PLCG2: variants seen among roughly 807,000 people sequenced by gnomAD.
PLCG2 encodes 1-phosphatidylinositol 4,5-bisphosphate phosphodiesterase gamma-2.
Under a neutral mutation model 175.6 loss-of-function variants are expected in PLCG2, and 69 were observed. The observed-to-expected ratio is 0.39, with a 90% CI of 0.32 to 0.48. The LOEUF (loss-of-function observed/expected upper bound fraction) is 0.48, where lower values mean the gene tolerates loss of function less well. Among genes scored for constraint, PLCG2 ranks in the 20% least tolerant of loss-of-function variants. The pLI is 0.91. For missense variants in PLCG2, 1,798 were observed against 1,650.9 expected, an observed-to-expected ratio of 1.09 and a Z score of -1.54; for synonymous variants, 827 against 624.0, an observed-to-expected ratio of 1.33 and a Z score of -4.85.
At chr16:81,808,476 C>T (rs1414646366) in intron 2 of PLCG2, among the ~76,000 whole-genome samples, 1 of 151,984 alleles carries the variant, frequency 6.6e-6, no homozygotes, top group Non-Finnish European at 1.5e-5. Context: ...TACCACTGTG[C>T]AATCTTTTTA....
rs549445966 is a variant in PLCG2, at chr16:81,959,978, T to C, written c.*1980T>C. The stretch of plus-strand genomic sequence containing the variant: ...CTACCATATCAAAGAACCTGACATA[T>C]GGCGGCATAGGAAGCAGAAGCTAAG... On this transcript the variant is annotated 3_prime_UTR_variant, in exon 33 of 33. Coordinates refer to ENST00000564138, the MANE Select transcript of PLCG2 (RefSeq NM_002661.5). 1 of 207,918 alleles carries C rather than the reference T, an allele frequency of 4.8e-6. No individual in the cohort carries two copies. The highest frequency in any genetic ancestry group is 7.3e-5 in the East Asian group (1 of 13,760). The allele number at this position is 207,918 out of a possible 1,614,324, so 12.9% of individuals were successfully genotyped here. A position where few individuals can be genotyped will look rare whatever the true frequency, so the allele number is the denominator to read the frequency against.
chr16:81,871,863 G>C (rs1907534256), intron 7 of PLCG2, among the ~76,000 whole-genome samples: 1 of 150,984 alleles, frequency 6.6e-6, no homozygotes. Flanking sequence ...TGTCTCAATG[G>C]AGGAATTGCT....
intron 2 of PLCG2, among the ~76,000 whole-genome samples, chr16:81,836,323 G>A (rs904164886): frequency 6.6e-6 from 1 of 152,172 alleles, no homozygotes; most frequent in Non-Finnish European, 1.5e-5. Context: ...GCCCTGTATT[G>A]GCCCACGTGT....
intron 2 of PLCG2, among the ~76,000 whole-genome samples, chr16:81,795,825 A>C (rs777364998): frequency 1.2e-4 from 19 of 152,134 alleles, no homozygotes; most frequent in Admixed American, 2.6e-4. Flanking sequence ...TTGGCCTCCC[A>C]AAGAGCTGGG....
intron 2 of PLCG2, among the ~76,000 whole-genome samples, chr16:81,794,142 G>A (rs1263146202): frequency 1.3e-5 from 2 of 152,064 alleles, no homozygotes; most frequent in South Asian, 2.1e-4. Flanking sequence ...TAGAGGCGCC[G>A]GATTTGTGGG....
intron 29 of PLCG2, among the ~76,000 whole-genome samples, chr16:81,939,489 C>G (rs1910850798): frequency 6.6e-6 from 1 of 152,200 alleles, no homozygotes; most frequent in South Asian, 2.1e-4. Context: ...TTGCTGCTTG[C>G]CTGCTCTGTG....
In PLCG2 at chr16:81,958,693, A is replaced by C. The variant is rs1911671384; in HGVS notation, c.*695A>C. ...TTGTTTTAAAAAGCCCATCAGAGAG[A>C]CCAGAGCCGTGCTGCAGGGGCAGGT... On this transcript the variant is annotated 3_prime_UTR_variant, in exon 33 of 33. Transcript: ENST00000564138. 1 of 221,464 alleles carries C rather than the reference A, an allele frequency of 4.5e-6. No individual in the cohort carries two copies. Among genetic ancestry groups the C allele is most frequent in the Admixed American group, 5.7e-5 (1 of 17,432 alleles). The allele number at this position is 221,464 out of a possible 1,614,324, so 13.7% of individuals were successfully genotyped here. A position where few individuals can be genotyped will look rare whatever the true frequency, so the allele number is the denominator to read the frequency against.
chr16:81,812,141 C>G lies in PLCG2; in HGVS notation c.193+25959C>G, dbSNP rs1287908727. ...CTCAGCTCACTGCAAGCTCCGCCTC[C>G]TGGGTTCACGCCATTCTCCTGTCTC... is the stretch of plus-strand genomic sequence containing the variant. On this transcript the variant is annotated intron_variant, in intron 2 of 32. Transcript: ENST00000564138. Among the ~76,000 whole-genome samples the G allele has an allele frequency of 3.3e-5, 5 of 151,000 alleles. No homozygotes were observed. In the South Asian group the frequency reaches 8.4e-4, roughly 25 times the overall value.
At chr16:81,845,029 A>G (rs779510138) in intron 2 of PLCG2, among the ~76,000 whole-genome samples, 14 of 152,240 alleles carry the variant, frequency 9.2e-5, no homozygotes, top group Non-Finnish European at 1.9e-4. Flanking sequence ...CCTGAGCTCA[A>G]GCAATTCTCC....
intron 2 of PLCG2, among the ~76,000 whole-genome samples, chr16:81,772,565 T>A (rs943265087): frequency 6.6e-6 from 1 of 151,858 alleles, no homozygotes; most frequent in African/African-American, 2.4e-5. Flanking sequence ...ATCCCAGCAC[T>A]TTGGGAGGCC....
At chr16:81,816,655 T>C (rs1187408191) in intron 2 of PLCG2, among the ~76,000 whole-genome samples, 1 of 69,130 alleles carries the variant, frequency 1.4e-5, no homozygotes, top group African/African-American at 4.7e-5. Flanking sequence ...ATTTTAATTT[T>C]TTTTTTTTTT....
At chr16:81,901,007 T>C (rs1269174693) in intron 14 of PLCG2, among the ~76,000 whole-genome samples, 1 of 152,236 alleles carries the variant, frequency 6.6e-6, no homozygotes, top group Non-Finnish European at 1.5e-5. Flanking sequence ...CTGGAACTCA[T>C]CTGGCTAGCT....
chr16:81,803,706 C>T (rs1300392379), intron 2 of PLCG2, among the ~76,000 whole-genome samples: 4 of 134,344 alleles, frequency 3.0e-5, no homozygotes, highest in East Asian at 2.8e-4. Flanking sequence ...TTACTCTCTA[C>T]AGTCTCACTG....
At chr16:81,942,112 G>T (rs1467210636) in intron 30 of PLCG2, among the ~76,000 whole-genome samples, 2 of 152,130 alleles carry the variant, frequency 1.3e-5, no homozygotes, top group Non-Finnish European at 2.9e-5. Context: ...CTGCCTGCCA[G>T]TTCCTCTACT....
rs543408378 is a variant in PLCG2, at chr16:81,838,237, C to A, written c.194-16207C>A. ...AAGCACCTGGGACTGTAGGCACCTG[C>A]CACCATGCCTGGCTAATGTTTATAT... is the stretch of plus-strand genomic sequence containing the variant. On this transcript the variant is annotated intron_variant, in intron 2 of 32. Coordinates refer to ENST00000564138, the MANE Select transcript of PLCG2 (RefSeq NM_002661.5). 5.8e-4 allele frequency among the ~76,000 whole-genome samples: 88 copies of A among 152,164 alleles called. No homozygotes were observed. The Middle Eastern group carries it at 0.024, about 41-fold the overall frequency.
chr16:81,851,162 T>A (rs1375480015), intron 2 of PLCG2, among the ~76,000 whole-genome samples: 2 of 152,220 alleles, frequency 1.3e-5, no homozygotes, highest in African/African-American at 4.8e-5. Context: ...AATTGAGAAG[T>A]GTCTTTAGTT....
At chr16:81,801,283 C>T (rs1449968667) in intron 2 of PLCG2, among the ~76,000 whole-genome samples, 4 of 152,166 alleles carry the variant, frequency 2.6e-5, no homozygotes, top group African/African-American at 9.7e-5. Context: ...ACCCTTCCCT[C>T]CCTAGAGAAA....
rs1341392837 is a variant in PLCG2, at chr16:81,893,763, C to G, written c.1041C>G (p.Arg347=). The part of the protein sequence containing the change: ...RSESSPEAYI[R]CLRMGCRCIE... The stretch of plus-strand genomic sequence containing the variant: ...AGTCGTCCCCAGAAGCTTACATCCG[C>G]TGCCTGCGCATGGGCTGTCGCTGCA... The change falls in exon 12 of 33, where the codon CGC becomes CGG. Residue 347 remains arginine, a synonymous_variant. Coordinates refer to ENST00000564138, the MANE Select transcript of PLCG2 (RefSeq NM_002661.5). The G allele has an allele frequency of 1.2e-6, 2 of 1,612,620 alleles. No individual in the cohort carries two copies. The highest frequency in any genetic ancestry group is 4.5e-5 in the East Asian group (2 of 44,898).
intron 14 of PLCG2, among the ~76,000 whole-genome samples, chr16:81,902,620 A>G (rs1312470577): frequency 6.6e-6 from 1 of 151,932 alleles, no homozygotes; most frequent in Non-Finnish European, 1.5e-5. Flanking sequence ...ATTCCCACTT[A>G]TGAGAGCTCT....
Sources: allele counts gnomAD v4.1 joint callset (sites outside exome capture counted in the v4.1 genomes callset), GRCh38; gene constraint gnomAD v4.1.1; transcripts MANE v1.5; gene names NCBI Gene and HGNC (gene_info 2026-07-23, HGNC 2026-07-21).